The following ATG7 variants were observed in gnomAD, a reference collection of about 807,000 sequenced individuals.
ATG7 encodes the protein ubiquitin-like modifier-activating enzyme ATG7.
ATG7 carries 70 observed loss-of-function variants against 82.4 expected under a neutral mutation model. That is an observed-to-expected ratio of 0.85 (90% CI 0.70 to 1.04). The LOEUF (loss-of-function observed/expected upper bound fraction) is 1.04. ATG7 is among the 50% of genes least tolerant of loss of function. The pLI, the probability that ATG7 is intolerant of heterozygous loss-of-function variation, is 0.00. For missense variants in ATG7, 792 were observed against 864.3 expected (o/e 0.92, Z 1.05); for synonymous variants, 287 against 313.0 (o/e 0.92, Z 0.88).
intron 20 of ATG7, among the ~76,000 whole-genome samples, chr3:11,482,511 C>A (rs911612314): frequency 1.3e-5 from 2 of 152,162 alleles, no homozygotes; most frequent in South Asian, 4.1e-4. Flanking sequence ...TGGGGGCTGT[C>A]ACCCTTCCCT....
intron 20 of ATG7, among the ~76,000 whole-genome samples, chr3:11,431,326 G>A (rs916442563): frequency 7.9e-5 from 12 of 152,194 alleles, no homozygotes; most frequent in African/African-American, 2.4e-4. Context: ...ACTTGAACCC[G>A]GGAGGTGGAG....
chr3:11,442,739 C>CCAAAAAAAAAAAAAAAAAAAAAAAAA lies in ATG7; in HGVS notation c.2079+15813_2079+15814insCAAAAAAAAAAAAAAAAAAAAAAAAA, dbSNP rs1553668928. Among the ~76,000 whole-genome samples the CCAAAAAAAAAAAAAAAAAAAAAAAAA allele has an allele frequency of 2.9e-5, 2 of 69,252 alleles. 1 individual carries two copies. Among genetic ancestry groups the CCAAAAAAAAAAAAAAAAAAAAAAAAA allele is most frequent in the Non-Finnish European group, 5.0e-5 (2 of 39,784 alleles). The allele number at this position is 69,252 out of a possible 152,430, so 45.4% of individuals were successfully genotyped here. A position where few individuals can be genotyped will look rare whatever the true frequency, so the allele number is the denominator to read the frequency against. On this transcript the variant is annotated intron_variant, in intron 20 of 20. Transcript: ENST00000693202. ...GCAGCATAGTGAGACTCCATCTCTA[C>CCAAAAAAAAAAAAAAAAAAAAAAAAA]AAAAAAAAAAAAAAAAAAAAAAAAA...
intron 20 of ATG7, among the ~76,000 whole-genome samples, chr3:11,532,056 T>C (rs1287585056): frequency 6.6e-6 from 1 of 152,034 alleles, no homozygotes; most frequent in African/African-American, 2.4e-5. Flanking sequence ...TTCCTCCTCC[T>C]CCTCTTCCTC....
intron 20 of ATG7, among the ~76,000 whole-genome samples, chr3:11,440,323 C>CTTTTTT (rs59365367): frequency 6.2e-4 from 71 of 113,828 alleles, no homozygotes; most frequent in East Asian, 2.2e-3. Flanking sequence ...GGCCTTTACT[C>CTTTTTT]TTTTTTTTTT....
intron 11 of ATG7, among the ~76,000 whole-genome samples, chr3:11,340,035 C>A (rs1254397203): frequency 1.3e-5 from 2 of 152,120 alleles, no homozygotes; most frequent in East Asian, 3.9e-4. Flanking sequence ...GTTACAGAGG[C>A]TCCCATAGCA....
At chr3:11,521,638 C>T (rs1486496915) in intron 20 of ATG7, among the ~76,000 whole-genome samples, 1 of 151,766 alleles carries the variant, frequency 6.6e-6, no homozygotes. Context: ...CTGCAAGTTC[C>T]ACCTCCTGGG....
chr3:11,453,926 T>G (rs2085447553), intron 20 of ATG7, among the ~76,000 whole-genome samples: 1 of 152,196 alleles, frequency 6.6e-6, no homozygotes, highest in South Asian at 2.1e-4. Context: ...AGTTGTTACC[T>G]TTCCTCACAA....
At chr3:11,344,407 A>G (rs572068147) in intron 13 of ATG7, among the ~76,000 whole-genome samples, 1 of 152,272 alleles carries the variant, frequency 6.6e-6, no homozygotes, top group African/African-American at 2.4e-5. Flanking sequence ...AAAGAAGCTG[A>G]TTTCTGTTTC....
At chr3:11,495,104 T>A (rs974659308) in intron 20 of ATG7, among the ~76,000 whole-genome samples, 3 of 151,604 alleles carry the variant, frequency 2.0e-5, no homozygotes, top group Non-Finnish European at 4.4e-5. Flanking sequence ...TGAACAGATG[T>A]TCTCTAAGGC....
intron 20 of ATG7, among the ~76,000 whole-genome samples, chr3:11,429,569 A>C (rs543787789): frequency 6.6e-6 from 1 of 152,242 alleles, no homozygotes; most frequent in African/African-American, 2.4e-5. Context: ...AACTCCAGAC[A>C]TGCATCTCTT....
intron 20 of ATG7, among the ~76,000 whole-genome samples, chr3:11,499,059 A>G (rs183043644): frequency 6.6e-6 from 1 of 152,378 alleles, no homozygotes; most frequent in East Asian, 1.9e-4. Context: ...TTTATTAAGT[A>G]GTTAGGACCA....
At chr3:11,440,491 A>AT (rs1227062802) in intron 20 of ATG7, among the ~76,000 whole-genome samples, 1 of 142,460 alleles carries the variant, frequency 7.0e-6, no homozygotes, top group Admixed American at 7.0e-5. Context: ...CGCCCGGCTA[A>AT]TTTTTTGTAT....
At chr3:11,315,554 T>C (rs941924515) in intron 9 of ATG7, 61 bp downstream of exon 9, 2 of 1,396,886 alleles carry the variant, frequency 1.4e-6, no homozygotes, top group East Asian at 5.1e-5. Flanking sequence ...GAAGTTCATG[T>C]TACAAGAGAC....
At chr3:11,568,218 C>G in the ATG7 span, among the ~76,000 whole-genome samples, 1 of 152,228 alleles carries the variant, frequency 6.6e-6, no homozygotes, top group Non-Finnish European at 1.5e-5. This position sits in a 1 kb window ranked among gnomAD's most constrained non-coding sequence, Gnocchi z 5.9. Flanking sequence ...AGTCGTGGTA[C>G]ATAAGGCACT....
intron 9 of ATG7, among the ~76,000 whole-genome samples, chr3:11,327,010 C>T (rs1372776372): frequency 6.6e-6 from 1 of 152,188 alleles, no homozygotes; most frequent in African/African-American, 2.4e-5. Flanking sequence ...TTCAGGTCTG[C>T]GTCAGTCAGG....
intron 20 of ATG7, among the ~76,000 whole-genome samples, chr3:11,430,754 A>T (rs560026724): frequency 6.6e-6 from 1 of 152,358 alleles, no homozygotes; most frequent in Non-Finnish European, 1.5e-5. Flanking sequence ...CTAATGCAAT[A>T]AAAAATGTTT....
intron 20 of ATG7, among the ~76,000 whole-genome samples, chr3:11,505,921 A>G (rs977249924): frequency 6.6e-6 from 1 of 152,262 alleles, no homozygotes; most frequent in African/African-American, 2.4e-5. Context: ...TGGCTCCACC[A>G]TCTTCATGAT....
intron 20 of ATG7, among the ~76,000 whole-genome samples, chr3:11,507,954 A>T (rs2091831101): frequency 6.6e-6 from 1 of 151,558 alleles, no homozygotes; most frequent in Non-Finnish European, 1.5e-5. Context: ...CTGGTAATTA[A>T]AAAAAAAACA....
chr3:11,528,926 T>C lies in ATG7; in HGVS notation c.2080-25885T>C, dbSNP rs148690064. ...AGTCATAAATAAGATGTTGGACTCA[T>C]GACTGCATATTCGGTCAGACTGTCA... On this transcript the variant is annotated intron_variant, in intron 20 of 20. Transcript: ENST00000693202. 3.0e-3 allele frequency among the ~76,000 whole-genome samples: 449 copies of C among 152,104 alleles called. 2 individuals are homozygous for C. The highest frequency in any genetic ancestry group is 5.6e-3 in the Non-Finnish European group (381 of 68,020).
Sources: gnomAD v4.1 joint callset for allele counts (sites outside exome capture counted in the v4.1 genomes callset) on GRCh38, gnomAD v4.1.1 for gene constraint, Gnocchi (gnomAD v3.1) non-coding constraint, MANE v1.5 for transcripts, NCBI Gene and HGNC (gene_info 2026-07-23, HGNC 2026-07-21) for gene names.